The following SLC16A12 variants were observed in gnomAD, a reference collection of about 807,000 sequenced individuals.
SLC16A12 encodes the protein monocarboxylate transporter 12.
Under a neutral mutation model 42.4 loss-of-function variants are expected in SLC16A12, and 17 were observed. That is an observed-to-expected ratio of 0.40 (90% CI 0.27 to 0.60). The LOEUF is 0.60. SLC16A12 is among the 20% of genes least tolerant of loss of function. The pLI, the probability that SLC16A12 is intolerant of heterozygous loss-of-function variation, is 0.42. For missense variants in SLC16A12, 544 were observed against 623.0 expected (o/e 0.87, Z 1.35); for synonymous variants, 224 against 229.4 (o/e 0.98, Z 0.21).
chr10:89,480,262 G>T (rs1842643903), intron 2 of SLC16A12, among the ~76,000 whole-genome samples: 1 of 152,126 alleles, frequency 6.6e-6, no homozygotes. Context: ...CATGAGGTCA[G>T]ACATATCTGG....
intron 2 of SLC16A12, among the ~76,000 whole-genome samples, chr10:89,544,487 C>A (rs1279120459): frequency 2.6e-5 from 4 of 152,140 alleles, no homozygotes; most frequent in Admixed American, 6.5e-5. Context: ...TATTCAAAAT[C>A]TTTTCAAATG....
chr10:89,434,000 C>A (rs1236157733), intron 7 of SLC16A12, among the ~76,000 whole-genome samples: 1 of 152,156 alleles, frequency 6.6e-6, no homozygotes, highest in African/African-American at 2.4e-5. Flanking sequence ...CTTCGTCAGG[C>A]AATTATTTTA....
chr10:89,439,273 G>A, intron 5 of SLC16A12, 90 bp from the exon 6 acceptor site: 1 of 1,331,322 alleles, frequency 7.5e-7, no homozygotes, highest in Non-Finnish European at 1.1e-6. Flanking sequence ...AAGAGAATCT[G>A]ACCTCTCATT....
chr10:89,533,110 A>G (rs1339507056), intron 2 of SLC16A12, among the ~76,000 whole-genome samples: 2 of 152,210 alleles, frequency 1.3e-5, no homozygotes, highest in African/African-American at 4.8e-5. Flanking sequence ...GTCAGCTCAT[A>G]AAAGTCAAAG....
chr10:89,516,313 C>T (rs145812711), intron 2 of SLC16A12, among the ~76,000 whole-genome samples: 49 of 152,276 alleles, frequency 3.2e-4, no homozygotes, highest in Non-Finnish European at 6.6e-4. Flanking sequence ...CAGCCCCTCC[C>T]GATGATGTCA....
chr10:89,509,409 T>G (rs1843126911), intron 2 of SLC16A12, among the ~76,000 whole-genome samples: 1 of 152,202 alleles, frequency 6.6e-6, no homozygotes. Context: ...TTAAGTTGGC[T>G]TCATCCCTTG....
At chr10:89,552,082 C>T (rs1336335353) in intron 2 of SLC16A12, among the ~76,000 whole-genome samples, 1 of 152,060 alleles carries the variant, frequency 6.6e-6, no homozygotes. Flanking sequence ...ACTACAGGTG[C>T]GTGCCACTAC....
chr10:89,469,823 C>T (rs935140666), intron 2 of SLC16A12, among the ~76,000 whole-genome samples: 1 of 152,200 alleles, frequency 6.6e-6, no homozygotes. Flanking sequence ...CTACTAACTA[C>T]ATCTTCCCTA....
intron 2 of SLC16A12, among the ~76,000 whole-genome samples, chr10:89,548,986 G>C (rs1843756327): frequency 6.6e-6 from 1 of 152,182 alleles, no homozygotes; most frequent in South Asian, 2.1e-4. Flanking sequence ...CTCGCAGCAG[G>C]ATCAGGCAGC....
intron 3 of SLC16A12, among the ~76,000 whole-genome samples, chr10:89,459,925 G>C (rs954967340): frequency 1.3e-5 from 2 of 152,188 alleles, no homozygotes; most frequent in African/African-American, 4.8e-5. Flanking sequence ...TGGGCAATAA[G>C]AGTGAAACTC....
intron 2 of SLC16A12, among the ~76,000 whole-genome samples, chr10:89,499,490 G>T (rs1319532326): frequency 3.9e-5 from 6 of 152,172 alleles, no homozygotes; most frequent in Admixed American, 1.3e-4. Context: ...GGAGGTGGAG[G>T]TTACGGTGAG....
At chr10:89,465,104 T>C (rs534572686) in intron 2 of SLC16A12, among the ~76,000 whole-genome samples, 83 of 152,294 alleles carry the variant, frequency 5.4e-4, no homozygotes, top group African/African-American at 1.9e-3. Context: ...AGCTGCTATT[T>C]ACAAAACACT....
intron 2 of SLC16A12, among the ~76,000 whole-genome samples, chr10:89,470,818 G>C (rs905925171): frequency 6.6e-6 from 1 of 152,190 alleles, no homozygotes; most frequent in Non-Finnish European, 1.5e-5. Context: ...CCAGCAGGAT[G>C]CCCAGTAACC....
At position 89,436,316 on chromosome 10, in the gene SLC16A12, A is replaced by G. The variant is rs552991648; in HGVS notation, c.1032T>C (p.Cys344=). The change falls in exon 7 of 8, where the codon TGT becomes TGC. Residue 344 remains cysteine (C), a synonymous_variant. Transcript: ENST00000371790. ...ITFGWLTDRR[C]LKNYQYVCYL... ...AGCAAACATACTGGTAATTCTTCAG[A>G]CACCTGTAGATTTGAAGAACAAGAA... 3.7e-6 allele frequency: 6 copies of G among 1,614,126 alleles called. 1 individual carries two copies. The African/African-American group carries it at 5.3e-5, about 14-fold the overall frequency.
chr10:89,493,901 TA>T (rs914632257), intron 2 of SLC16A12, among the ~76,000 whole-genome samples: 12 of 151,440 alleles, frequency 7.9e-5, no homozygotes, highest in Non-Finnish European at 1.5e-4. Context: ...AAGCAAACTA[TA>T]AAAAAAAATC....
chr10:89,433,296 G>C lies in SLC16A12; in HGVS notation c.1319C>G (p.Thr440Ser), dbSNP rs1226544143. Residue 440 changes from threonine (T) to serine (S), a missense_variant, in exon 8 of 8, where the codon ACT (threonine) becomes AGT (serine). Thr to Ser is a moderately conservative substitution (Grantham distance 58). Coordinates refer to ENST00000371790, the MANE Select transcript of SLC16A12 (RefSeq NM_213606.4). The part of the protein sequence containing the change: ...GRLVDTTGSY[T>S]AAFLLCGFSM... ...AAATCCACAGAGGAGGAATGCTGCA[G>C]TGTAGCTGCCGGTGGTATCTACCAG... 1 of 1,613,998 alleles carries C rather than the reference G, an allele frequency of 6.2e-7. No individual in the cohort carries two copies. The highest frequency in any genetic ancestry group is 1.3e-5 in the African/African-American group (1 of 74,938).
intron 3 of SLC16A12, among the ~76,000 whole-genome samples, chr10:89,458,968 G>T (rs962722050): frequency 6.6e-6 from 1 of 152,108 alleles, no homozygotes; most frequent in Admixed American, 6.5e-5. Flanking sequence ...ATTTGTCTGT[G>T]GTATGTCGGA....
chr10:89,463,899 G>A (rs1371938225), intron 2 of SLC16A12, among the ~76,000 whole-genome samples: 1 of 152,164 alleles, frequency 6.6e-6, no homozygotes. Context: ...TCCTGACTCT[G>A]GTTGTTCATA....
intron 2 of SLC16A12, among the ~76,000 whole-genome samples, chr10:89,473,071 G>A (rs1053514506): frequency 1.3e-5 from 2 of 150,552 alleles, no homozygotes; most frequent in Non-Finnish European, 3.0e-5. Context: ...CTCCTGCTTC[G>A]GCCTCCCAAA....
Sources: gnomAD v4.1 joint callset for allele counts (sites outside exome capture counted in the v4.1 genomes callset) on GRCh38, gnomAD v4.1.1 for gene constraint, MANE v1.5 for transcripts, NCBI Gene and HGNC (gene_info 2026-07-23, HGNC 2026-07-21) for gene names.